The following TAFA2 variants were observed in gnomAD, a reference collection of about 807,000 sequenced individuals.
TAFA2 encodes chemokine-like protein TAFA-2.
A neutral mutation model predicts 18.8 loss-of-function variants in TAFA2; 7 were observed. The ratio of observed to expected loss-of-function variants is 0.37; its 90% CI spans 0.21 to 0.70. The LOEUF (loss-of-function observed/expected upper bound fraction) is 0.70, where lower values mean the gene tolerates loss of function less well. Ranked by LOEUF, TAFA2 falls within the 30% of genes least tolerant of loss-of-function variation. The pLI is 0.53. For missense variants in TAFA2, 122 were observed against 158.1 expected (o/e 0.77, Z 1.23); for synonymous variants, 60 against 54.2 (o/e 1.11, Z -0.47).
At chr12:62,259,876 G>A (rs1177038393), upstream of TAFA2, 1 of 156,200 alleles carries the variant, frequency 6.4e-6, no homozygotes, top group African/African-American at 2.4e-5. Flanking sequence ...CGGTTTCGGA[G>A]TGTTTTTTGT....
intron 1 of TAFA2, among the ~76,000 whole-genome samples, chr12:62,115,690 C>A (rs1869932680): frequency 6.6e-6 from 1 of 152,152 alleles, no homozygotes; most frequent in Non-Finnish European, 1.5e-5. Context: ...CTGGTTTGTA[C>A]CAGATGGAGG....
At chr12:61,766,405 C>T (rs1375223664) in intron 2 of TAFA2, among the ~76,000 whole-genome samples, 1 of 152,048 alleles carries the variant, frequency 6.6e-6, no homozygotes, top group Non-Finnish European at 1.5e-5. Context: ...ATCTCTTTGT[C>T]TTTGCCAAGT....
chr12:61,814,915 C>T (rs1196965105), intron 2 of TAFA2, among the ~76,000 whole-genome samples: 1 of 151,404 alleles, frequency 6.6e-6, no homozygotes, highest in Non-Finnish European at 1.5e-5. Context: ...ATAGATTTTT[C>T]CCTAGAGCCT....
intron 1 of TAFA2, among the ~76,000 whole-genome samples, chr12:62,040,287 C>A (rs1407841813): frequency 6.6e-6 from 1 of 151,924 alleles, no homozygotes; most frequent in Non-Finnish European, 1.5e-5. Context: ...TTTGGGAATA[C>A]CAATTGTTAT....
chr12:62,181,825 A>C (rs2062553395), intron 1 of TAFA2, among the ~76,000 whole-genome samples: 1 of 152,228 alleles, frequency 6.6e-6, no homozygotes, highest in African/African-American at 2.4e-5. Context: ...TAAGAAGTTC[A>C]AACTTCCTAA....
chr12:61,751,329 T>C (rs934646346), intron 4 of TAFA2, among the ~76,000 whole-genome samples: 8 of 152,212 alleles, frequency 5.3e-5, no homozygotes, highest in African/African-American at 1.7e-4. Context: ...CCTTTCTATT[T>C]GGAATGCCAT....
At chr12:61,898,640 C>T (rs1875960960) in intron 1 of TAFA2, among the ~76,000 whole-genome samples, 1 of 151,932 alleles carries the variant, frequency 6.6e-6, no homozygotes, top group Non-Finnish European at 1.5e-5. Flanking sequence ...GAATGCAAGG[C>T]ACAGAGCAGA....
chr12:61,713,649 T>A (rs527433993), intron 4 of TAFA2, among the ~76,000 whole-genome samples: 2 of 152,260 alleles, frequency 1.3e-5, no homozygotes, highest in African/African-American at 4.8e-5. Flanking sequence ...ATAGGTACAT[T>A]ATCACCAGTT....
chr12:61,891,552 G>A (rs943174434), intron 1 of TAFA2, among the ~76,000 whole-genome samples: 5 of 152,240 alleles, frequency 3.3e-5, no homozygotes, highest in Non-Finnish European at 7.3e-5. Flanking sequence ...GGAGGCTGAG[G>A]CAGGAGAATC....
chr12:61,774,554 G>A (rs886353842), intron 2 of TAFA2, among the ~76,000 whole-genome samples: 4 of 151,840 alleles, frequency 2.6e-5, no homozygotes, highest in Non-Finnish European at 5.9e-5. Context: ...TATTTAAAGT[G>A]AAGTAACTCA....
chr12:61,880,703 T>C, intron 1 of TAFA2: 1 of 369,934 alleles, frequency 2.7e-6, no homozygotes, highest in Non-Finnish European at 5.3e-6. Context: ...CCACCAGGGC[T>C]ATGGTTGTGA....
At chr12:62,153,137 C>G (rs1245751925) in intron 1 of TAFA2, among the ~76,000 whole-genome samples, 1 of 152,118 alleles carries the variant, frequency 6.6e-6, no homozygotes, top group Non-Finnish European at 1.5e-5. Flanking sequence ...AGCTATGATG[C>G]ATGAGAGTGG....
chr12:62,246,281 C>T (rs2062886041), intron 1 of TAFA2, among the ~76,000 whole-genome samples: 1 of 152,254 alleles, frequency 6.6e-6, no homozygotes, highest in Middle Eastern at 3.4e-3. Flanking sequence ...CCACCGTGCC[C>T]GGCCCACTTT....
chr12:62,016,465 T>C (rs76487267), intron 1 of TAFA2, among the ~76,000 whole-genome samples: 2,697 of 152,240 alleles, frequency 0.018, 75 homozygotes, highest in African/African-American at 0.061. Context: ...CTGCCAGAAA[T>C]GACTTAAGGA....
At chr12:62,081,832 G>A (rs746686698) in intron 1 of TAFA2, among the ~76,000 whole-genome samples, 2 of 152,018 alleles carry the variant, frequency 1.3e-5, no homozygotes, top group Non-Finnish European at 2.9e-5. Context: ...AGGATGTGCA[G>A]GTTTGTTAGG....
At chr12:62,103,448 T>C (rs1869297782) in intron 1 of TAFA2, among the ~76,000 whole-genome samples, 1 of 152,142 alleles carries the variant, frequency 6.6e-6, no homozygotes, top group Non-Finnish European at 1.5e-5. Flanking sequence ...TATTAAAGAC[T>C]ACATGCTTCC....
intron 1 of TAFA2, among the ~76,000 whole-genome samples, chr12:61,962,334 AC>A (rs1253870685): frequency 4.6e-5 from 7 of 152,112 alleles, no homozygotes; most frequent in Non-Finnish European, 1.0e-4. Flanking sequence ...TCTTTTCCTT[AC>A]AGATATACTC....
intron 2 of TAFA2, among the ~76,000 whole-genome samples, chr12:61,844,893 T>C (rs1274708162): frequency 6.6e-6 from 1 of 152,004 alleles, no homozygotes; most frequent in Non-Finnish European, 1.5e-5. Flanking sequence ...ATAGACATTG[T>C]GTGTGTGTAT....
intron 1 of TAFA2, among the ~76,000 whole-genome samples, chr12:62,116,406 A>T (rs1869964258): frequency 6.6e-6 from 1 of 152,190 alleles, no homozygotes; most frequent in South Asian, 2.1e-4. Flanking sequence ...AGATGCTTCT[A>T]ATTACAGGTG....
Sources: gnomAD v4.1 joint callset for allele counts (sites outside exome capture counted in the v4.1 genomes callset) on GRCh38, gnomAD v4.1.1 for gene constraint, MANE v1.5 for transcripts, NCBI Gene and HGNC (gene_info 2026-07-23, HGNC 2026-07-21) for gene names.